SUPT3H: variants seen among roughly 807,000 people sequenced by gnomAD.
The protein encoded by SUPT3H is SPT3 homolog, SAGA and STAGA complex component.
In SUPT3H, 44 loss-of-function variants were observed where a neutral mutation model predicts 44.3. The ratio of observed to expected loss-of-function variants is 0.99; its 90% CI spans 0.78 to 1.28. SUPT3H has a LOEUF of 1.28. Among genes scored for constraint, SUPT3H ranks in the 50% most tolerant of loss-of-function variants. The pLI is 0.00. For synonymous variants in SUPT3H, 124 were observed against 125.6 expected, an observed-to-expected ratio of 0.99 and a Z score of 0.09; for missense variants, 380 against 387.1, an observed-to-expected ratio of 0.98 and a Z score of 0.15.
intron 4 of SUPT3H, among the ~76,000 whole-genome samples, chr6:45,020,344 T>G (rs533798077): frequency 6.6e-5 from 10 of 152,110 alleles, no homozygotes; most frequent in Admixed American, 5.9e-4. Flanking sequence ...TAGCACAGTT[T>G]TTATATAAGT....
chr6:45,002,704 A>G (rs1782166510), intron 6 of SUPT3H, among the ~76,000 whole-genome samples: 1 of 152,092 alleles, frequency 6.6e-6, no homozygotes, highest in African/African-American at 2.4e-5. Context: ...AAAGTAATTG[A>G]TACCTAAAAG....
At chr6:45,166,631 TAGAGA>T in intron 2 of SUPT3H, among the ~76,000 whole-genome samples, 1 of 136,116 alleles carries the variant, frequency 7.3e-6, no homozygotes, top group East Asian at 2.1e-4. Flanking sequence ...GGAGAAAAAG[TAGAGA>T]AAAGAGAAGA....
intron 2 of SUPT3H, among the ~76,000 whole-genome samples, chr6:45,113,199 G>C (rs1800336174): frequency 6.6e-6 from 1 of 151,798 alleles, no homozygotes; most frequent in African/African-American, 2.4e-5. Flanking sequence ...TGGAATTAGA[G>C]TGAATACCAG....
chr6:45,012,029 CA>C (rs1783558526), intron 5 of SUPT3H, among the ~76,000 whole-genome samples: 1 of 151,040 alleles, frequency 6.6e-6, no homozygotes, highest in Non-Finnish European at 1.5e-5. Context: ...GATGAGAAGT[CA>C]GCCATAAATA....
chr6:45,231,159 TTCC>T (rs1444097882), intron 2 of SUPT3H, among the ~76,000 whole-genome samples: 15 of 152,184 alleles, frequency 9.9e-5, no homozygotes, highest in Non-Finnish European at 2.1e-4. Flanking sequence ...TCTTTTTTTC[TTCC>T]TCATTTGTTG....
intron 2 of SUPT3H, chr6:45,322,862 G>A (rs1408264399): frequency 6.2e-7 from 1 of 1,602,182 alleles, no homozygotes; most frequent in East Asian, 2.2e-5. Context: ...AGTGGCACTG[G>A]AGAGCCTCTG....
At chr6:44,858,720 C>T (rs776134768) in intron 10 of SUPT3H, among the ~76,000 whole-genome samples, 5 of 152,092 alleles carry the variant, frequency 3.3e-5, no homozygotes, top group Non-Finnish European at 7.4e-5. Flanking sequence ...TAGAGTGACA[C>T]GCACCTGGAG....
chr6:44,882,388 A>G lies in SUPT3H; in HGVS notation c.912+50265T>C, dbSNP rs562154694. On this transcript the variant is annotated intron_variant, in intron 10 of 10. Coordinates refer to ENST00000371459, the MANE Select transcript of SUPT3H (RefSeq NM_003599.4). ...TAACAAGTTCTGAAATTGAGGCAGT[A>G]ATTAATAGCCTACCAACCAAAAAGA... Among the ~76,000 whole-genome samples the G allele has an allele frequency of 2.0e-4, 31 of 152,328 alleles. No homozygotes were observed. The East Asian group carries it at 3.3e-3, about 16-fold the overall frequency.
chr6:44,970,187 G>A (rs9357463), intron 6 of SUPT3H, among the ~76,000 whole-genome samples: 149,182 of 152,284 alleles, frequency 0.98, 73,084 homozygotes, highest in Middle Eastern at 1. Context: ...AATGAAAAAT[G>A]TAGTTATTAA....
chr6:44,816,749 G>A (rs1419240796), intron 11 of SUPT3H, among the ~76,000 whole-genome samples: 1 of 152,106 alleles, frequency 6.6e-6, no homozygotes, highest in East Asian at 1.9e-4. Flanking sequence ...CAAAATGTTA[G>A]CAAATCAGAT....
intron 10 of SUPT3H, among the ~76,000 whole-genome samples, chr6:44,903,696 C>T (rs1043858477): frequency 3.3e-5 from 5 of 152,154 alleles, no homozygotes; most frequent in African/African-American, 7.2e-5. Context: ...CCAGCATCAT[C>T]CTGATACCAA....
chr6:45,253,409 C>A (rs757293187), intron 2 of SUPT3H, among the ~76,000 whole-genome samples: 1 of 152,090 alleles, frequency 6.6e-6, no homozygotes, highest in Non-Finnish European at 1.5e-5. Context: ...AAGTGCCCTC[C>A]GAAGAAAACA....
At chr6:45,105,897 CAA>C (rs1412130050) in intron 3 of SUPT3H, 23 bp downstream of exon 3, 1 of 1,571,920 alleles carries the variant, frequency 6.4e-7, no homozygotes, top group Admixed American at 1.7e-5. Flanking sequence ...GAAGAGAAAC[CAA>C]ATCAAATTAT....
chr6:45,258,717 C>T (rs1773829803), intron 2 of SUPT3H, among the ~76,000 whole-genome samples: 1 of 152,112 alleles, frequency 6.6e-6, no homozygotes, highest in African/African-American at 2.4e-5. Flanking sequence ...AAAACTAAGC[C>T]TTCACTATAG....
intron 10 of SUPT3H, among the ~76,000 whole-genome samples, chr6:44,904,506 A>C (rs1409746407): frequency 6.6e-6 from 1 of 152,364 alleles, no homozygotes; most frequent in South Asian, 2.1e-4. Flanking sequence ...ACCACTGCTC[A>C]AAGAAATAAA....
At chr6:45,295,186 C>A (rs1427005867) in intron 2 of SUPT3H, among the ~76,000 whole-genome samples, 1 of 151,706 alleles carries the variant, frequency 6.6e-6, no homozygotes, top group African/African-American at 2.4e-5. Context: ...CAGAAATAAA[C>A]CTAAACACTT....
intron 2 of SUPT3H, among the ~76,000 whole-genome samples, chr6:45,293,487 C>CAGAGCAG (rs1419234472): frequency 6.6e-6 from 1 of 151,338 alleles, no homozygotes; most frequent in Admixed American, 6.6e-5. Flanking sequence ...TAACCAAGAT[C>CAGAGCAG]AGAGCAGAAC....
chr6:45,102,888 G>A (rs1338077718), intron 3 of SUPT3H, among the ~76,000 whole-genome samples: 1 of 151,370 alleles, frequency 6.6e-6, no homozygotes, highest in Non-Finnish European at 1.5e-5. Context: ...GTAGTGAGCC[G>A]AGATCATGCC....
intron 3 of SUPT3H, among the ~76,000 whole-genome samples, chr6:45,086,093 T>C (rs559691279): frequency 1.3e-5 from 2 of 152,186 alleles, no homozygotes; most frequent in Non-Finnish European, 2.9e-5. Context: ...TCACTGACTT[T>C]GTAAAGTTAA....
Sources: allele counts gnomAD v4.1 joint callset (sites outside exome capture counted in the v4.1 genomes callset), GRCh38; gene constraint gnomAD v4.1.1; transcripts MANE v1.5; gene names NCBI Gene and HGNC (gene_info 2026-07-23, HGNC 2026-07-21).